RBPJ: variants seen among roughly 807,000 people sequenced by gnomAD.
The protein encoded by RBPJ is recombining binding protein suppressor of hairless.
Under a neutral mutation model 67.8 loss-of-function variants are expected in RBPJ, and 9 were observed. The ratio of observed to expected loss-of-function variants is 0.13; its 90% CI spans 0.08 to 0.23. RBPJ has a LOEUF of 0.23. RBPJ is among the 10% of genes least tolerant of loss of function. RBPJ has a pLI of 1.00. For synonymous variants in RBPJ, 198 were observed against 203.3 expected (o/e 0.97, Z 0.22); for missense variants, 305 against 595.6 (o/e 0.51, Z 5.08).
At chr4:26,379,983 G>A (rs181116579) in intron 1 of RBPJ, among the ~76,000 whole-genome samples, 1 of 152,112 alleles carries the variant, frequency 6.6e-6, no homozygotes, top group African/African-American at 2.4e-5. Flanking sequence ...AGGACAACTG[G>A]TTATACCTAG....
At chr4:26,255,403 C>CAA (rs766336628) in intron 1 of RBPJ, among the ~76,000 whole-genome samples, 6,639 of 33,778 alleles carry the variant, frequency 0.2, 814 homozygotes, top group Non-Finnish European at 0.26. Context: ...GACTCCGTCT[C>CAA]AAAAAAAAAA....
chr4:26,243,584 A>C (rs1316363125), intron 1 of RBPJ, among the ~76,000 whole-genome samples: 2 of 152,252 alleles, frequency 1.3e-5, no homozygotes, highest in Admixed American at 6.5e-5. Flanking sequence ...TATTTTCCAA[A>C]TGACAAAGCA....
At chr4:26,312,421 A>G (rs1050684021) in intron 1 of RBPJ, among the ~76,000 whole-genome samples, 5 of 151,968 alleles carry the variant, frequency 3.3e-5, no homozygotes, top group African/African-American at 1.2e-4. Flanking sequence ...GTGAGCCACC[A>G]TGCCCGGCCA....
At chr4:26,313,054 C>T (rs566057541) in intron 1 of RBPJ, among the ~76,000 whole-genome samples, 2 of 152,324 alleles carry the variant, frequency 1.3e-5, no homozygotes, top group African/African-American at 4.8e-5. Flanking sequence ...TCCTGAGTAG[C>T]TGGGATTACA....
chr4:26,428,888 T>C, intron 8 of RBPJ, 28 bp downstream of exon 8: 2 of 1,563,888 alleles, frequency 1.3e-6, no homozygotes, highest in Admixed American at 1.7e-5. Context: ...TGGTGAAATC[T>C]AAAATGTACA....
intron 1 of RBPJ, among the ~76,000 whole-genome samples, chr4:26,342,350 G>A: frequency 6.6e-6 from 1 of 152,056 alleles, no homozygotes; most frequent in Admixed American, 6.6e-5. Flanking sequence ...TTTGGTGAGG[G>A]AGGTAGTATT....
At chr4:26,370,673 A>G (rs529610534) in intron 1 of RBPJ, among the ~76,000 whole-genome samples, 7 of 152,346 alleles carry the variant, frequency 4.6e-5, no homozygotes, top group African/African-American at 1.7e-4. Context: ...AAGTAATAAC[A>G]GTAAGCTATA....
chr4:26,320,550 C>G (rs1333820380), upstream of RBPJ: 1 of 519,098 alleles, frequency 1.9e-6, no homozygotes, highest in South Asian at 3.0e-5. Flanking sequence ...GAGCGGGAAG[C>G]CGCTTGGAAA....
chr4:26,227,073 G>A (rs928579392), intron 1 of RBPJ, among the ~76,000 whole-genome samples: 1 of 152,216 alleles, frequency 6.6e-6, no homozygotes, highest in Non-Finnish European at 1.5e-5. Context: ...GGAAGTGGAG[G>A]AGAGAATGTT....
At chr4:26,120,237 G>A in the RBPJ span, among the ~76,000 whole-genome samples, 1 of 152,226 alleles carries the variant, frequency 6.6e-6, no homozygotes, top group African/African-American at 2.4e-5. Flanking sequence ...AATAAAACTT[G>A]TTGCTGAGAC....
intron 1 of RBPJ, among the ~76,000 whole-genome samples, chr4:26,170,249 A>T (rs1226056088): frequency 6.6e-6 from 1 of 152,176 alleles, no homozygotes; most frequent in African/African-American, 2.4e-5. Flanking sequence ...TTTCAAAAGA[A>T]TGGAAAATAG....
rs1022268684 is a variant in RBPJ at position 26,434,915 on chromosome 4, A to G, written c.*3908A>G. 11 of 152,260 alleles carry G rather than the reference A, an allele frequency of 7.2e-5. No individual in the cohort carries two copies. Among genetic ancestry groups the G allele is most frequent in the Admixed American group, 2.0e-4 (3 of 15,286 alleles). 9.4% of individuals were successfully genotyped at this position (152,260 alleles called of 1,614,324 possible). ...AATAAATAAAAAGGAAATGTAAACC[A>G]TTGTAAAAGTCTTCTGTCGAATGTG... On this transcript the variant is annotated 3_prime_UTR_variant, in exon 11 of 11. Transcript: ENST00000355476.
intron 1 of RBPJ, among the ~76,000 whole-genome samples, chr4:26,201,216 G>T (rs112552891): frequency 6.6e-6 from 1 of 152,130 alleles, no homozygotes; most frequent in South Asian, 2.1e-4. Flanking sequence ...ACTCAGGCTT[G>T]TTGACTGGTT....
intron 1 of RBPJ, among the ~76,000 whole-genome samples, chr4:26,188,531 G>A (rs1183945650): frequency 2.6e-5 from 4 of 152,176 alleles, no homozygotes; most frequent in African/African-American, 9.7e-5. Context: ...AGAACAAGTT[G>A]AGAAAACAAA....
At chr4:26,247,976 C>A (rs148701593) in intron 1 of RBPJ, among the ~76,000 whole-genome samples, 1 of 151,952 alleles carries the variant, frequency 6.6e-6, no homozygotes, top group Non-Finnish European at 1.5e-5. Context: ...TGTACATGTA[C>A]GCTGTGAATC....
At chr4:26,396,448 G>A (rs1732127078) in intron 2 of RBPJ, among the ~76,000 whole-genome samples, 1 of 152,238 alleles carries the variant, frequency 6.6e-6, no homozygotes, top group Admixed American at 6.5e-5. Flanking sequence ...AGAAATAGAA[G>A]AACCAAGATG....
At chr4:26,157,089 AC>A in the RBPJ span, among the ~76,000 whole-genome samples, 526 of 90,154 alleles carry the variant, frequency 5.8e-3, 6 homozygotes, top group Middle Eastern at 0.019. Context: ...AAACAAACAA[AC>A]AAACAAACAA....
chr4:26,194,980 A>G (rs754745458), intron 1 of RBPJ, among the ~76,000 whole-genome samples: 2 of 152,226 alleles, frequency 1.3e-5, no homozygotes, highest in Non-Finnish European at 2.9e-5. Flanking sequence ...ACTGATTCAT[A>G]GCTGTCTTTT....
chr4:26,393,636 A>G (rs1471462999), intron 2 of RBPJ, among the ~76,000 whole-genome samples: 3 of 152,258 alleles, frequency 2.0e-5, no homozygotes, highest in East Asian at 1.9e-4. Flanking sequence ...CGGCCTCCCA[A>G]AGTGCTGGGA....
Sources: allele counts gnomAD v4.1 joint callset (sites outside exome capture counted in the v4.1 genomes callset), GRCh38; gene constraint gnomAD v4.1.1; transcripts MANE v1.5; gene names NCBI Gene and HGNC (gene_info 2026-07-23, HGNC 2026-07-21).